PCLO: variants seen among roughly 807,000 people sequenced by gnomAD.
PCLO encodes the protein piccolo presynaptic cytomatrix protein, also known as protein piccolo.
A neutral mutation model predicts 427.5 loss-of-function variants in PCLO; 82 were observed. The observed-to-expected ratio is 0.19, with a 90% CI of 0.16 to 0.23. The LOEUF is 0.23. Ranked by LOEUF, PCLO falls within the 10% of genes least tolerant of loss-of-function variation. PCLO has a pLI of 1.00. For missense variants in PCLO, 6,239 were observed against 6,115.9 expected (o/e 1.02, Z -0.67); for synonymous variants, 2,357 against 2,155.4 (o/e 1.09, Z -2.59).
intron 3 of PCLO, among the ~76,000 whole-genome samples, chr7:83,078,404 C>A (rs1790009379): frequency 6.6e-6 from 1 of 151,894 alleles, no homozygotes; most frequent in Admixed American, 6.6e-5. Flanking sequence ...TGAAGATGCA[C>A]CCTAAAAAGA....
chr7:83,000,133 A>T (rs1787780338), intron 3 of PCLO, among the ~76,000 whole-genome samples: 1 of 151,300 alleles, frequency 6.6e-6, no homozygotes, highest in African/African-American at 2.4e-5. Flanking sequence ...GATACAGAAA[A>T]ATATCCTGAA....
At chr7:82,763,324 A>G (rs1790468441) in intron 22 of PCLO, among the ~76,000 whole-genome samples, 1 of 152,090 alleles carries the variant, frequency 6.6e-6, no homozygotes, top group Admixed American at 6.6e-5. Context: ...ATATCAACCA[A>G]GTGAAAAAGG....
chr7:83,012,075 A>C (rs1788092091), intron 3 of PCLO, among the ~76,000 whole-genome samples: 1 of 152,124 alleles, frequency 6.6e-6, no homozygotes, highest in Non-Finnish European at 1.5e-5. Context: ...TTAAAAACTC[A>C]CACTTAACAA....
intron 10 of PCLO, among the ~76,000 whole-genome samples, chr7:82,876,483 C>CACACAT (rs202247592): frequency 6.6e-6 from 1 of 151,062 alleles, no homozygotes. Flanking sequence ...CACACACACA[C>CACACAT]ACACATACAC....
Position 82,956,344 on chromosome 7 carries a change from T to C in PCLO, c.4609A>G (p.Ser1537Gly). Residue 1537 changes from serine to glycine, a missense_variant, in exon 5 of 25, where the codon AGC becomes GGC. Coordinates refer to ENST00000333891, the MANE Select transcript of PCLO (RefSeq NM_033026.6). ...TCTTCCTGTTTATACTCATCACTGCTTGATGAGCCAACACTAGTTCTTCGT... is the reference window on the plus strand; with the variant it reads ...TCTTCCTGTTTATACTCATCACTGCCTGATGAGCCAACACTAGTTCTTCGT... ...RKRRTSVGSS[S>G]SDEYKQEDSQ... The C allele has an allele frequency of 6.2e-7, 1 of 1,612,886 alleles. No homozygotes were observed. Among genetic ancestry groups the C allele is most frequent in the Non-Finnish European group, 8.5e-7 (1 of 1,179,546 alleles).
At chr7:82,850,134 G>C (rs1318116566) in intron 10 of PCLO, among the ~76,000 whole-genome samples, 1 of 151,982 alleles carries the variant, frequency 6.6e-6, no homozygotes, top group Non-Finnish European at 1.5e-5. Flanking sequence ...TTAGGCTCCT[G>C]AGTAGCTGGG....
chr7:82,809,128 C>T (rs185214792), intron 20 of PCLO, among the ~76,000 whole-genome samples: 57 of 151,868 alleles, frequency 3.8e-4, no homozygotes, highest in African/African-American at 1.1e-3. Context: ...TTTTTTTTAA[C>T]AAATAAAGTG....
intron 10 of PCLO, 100 bp from the exon 11 acceptor site, chr7:82,847,347 G>A (rs1792530877): frequency 3.1e-6 from 2 of 645,118 alleles, no homozygotes; most frequent in Non-Finnish European, 5.4e-6. Context: ...AGTCAACTCA[G>A]CACACCATTT....
Position 83,134,798 on chromosome 7 carries a change from A to T in PCLO, c.2752T>A (p.Ser918Thr). ...GTCTCTTGAGGAGTTGTAGGCTGTG[A>T]TTTGGGGGCATCAGTAATACTTCCC... ...NLGSITDAPK[S>T]QPTTPQETVT... The change falls in exon 3 of 25, where the codon TCA (serine) becomes ACA (threonine). Residue 918 changes from serine to threonine, a missense_variant. Around this residue, in one of 5 missense-constraint regions of PCLO, gnomAD observed 4,677 missense variants for 4,468.4 expected, o/e 1.05. Transcript: ENST00000333891. The T allele has an allele frequency of 6.2e-7, 1 of 1,613,746 alleles. No homozygotes were observed. Among genetic ancestry groups the T allele is most frequent in the Non-Finnish European group, 8.5e-7 (1 of 1,179,838 alleles).
At chr7:82,843,103 C>G (rs1792408357) in intron 13 of PCLO, among the ~76,000 whole-genome samples, 1 of 152,100 alleles carries the variant, frequency 6.6e-6, no homozygotes, top group Non-Finnish European at 1.5e-5. Context: ...CCAACACTCT[C>G]AGGTTCATTG....
intron 2 of PCLO, among the ~76,000 whole-genome samples, chr7:83,150,332 T>C (rs1426057305): frequency 1.3e-5 from 2 of 152,196 alleles, no homozygotes; most frequent in African/African-American, 4.8e-5. Flanking sequence ...CAAGAAGAGA[T>C]ACAGCTATAC....
chr7:83,119,459 T>C (rs1419930270), intron 3 of PCLO, among the ~76,000 whole-genome samples: 1 of 151,918 alleles, frequency 6.6e-6, no homozygotes, highest in Non-Finnish European at 1.5e-5. Flanking sequence ...AGTATTGCTG[T>C]GCTTGGGGTG....
chr7:83,023,626 A>C (rs1273789914), intron 3 of PCLO, among the ~76,000 whole-genome samples: 2 of 152,244 alleles, frequency 1.3e-5, no homozygotes, highest in Non-Finnish European at 2.9e-5. Flanking sequence ...GTGTCAAGGC[A>C]AAGGATTACC....
chr7:82,891,472 C>A (rs748602801), intron 9 of PCLO, among the ~76,000 whole-genome samples: 12 of 152,016 alleles, frequency 7.9e-5, no homozygotes, highest in Admixed American at 2.6e-4. Flanking sequence ...ACAACCATGT[C>A]ATCTGCAAAA....
intron 10 of PCLO, among the ~76,000 whole-genome samples, chr7:82,856,233 T>G (rs1015734545): frequency 6.6e-6 from 1 of 152,182 alleles, no homozygotes; most frequent in African/African-American, 2.4e-5. Flanking sequence ...AAGATTGGAC[T>G]TGATTACATT....
chr7:82,860,645 A>G (rs1486072273), intron 10 of PCLO, among the ~76,000 whole-genome samples: 1 of 152,106 alleles, frequency 6.6e-6, no homozygotes, highest in Non-Finnish European at 1.5e-5. Context: ...AATAGTATGT[A>G]CACAGAGAAA....
At chr7:83,026,373 G>A (rs972623510) in intron 3 of PCLO, among the ~76,000 whole-genome samples, 3 of 151,962 alleles carry the variant, frequency 2.0e-5, no homozygotes, top group Admixed American at 6.6e-5. Flanking sequence ...ATTACATAAT[G>A]GTAAAGGGAT....
At chr7:83,009,869 A>C (rs2115982381) in intron 3 of PCLO, among the ~76,000 whole-genome samples, 1 of 152,066 alleles carries the variant, frequency 6.6e-6, no homozygotes, top group South Asian at 2.1e-4. Context: ...AGGTTAGAAT[A>C]TAATAACTAT....
intron 2 of PCLO, among the ~76,000 whole-genome samples, chr7:83,138,097 CCAGA>C (rs780786970): frequency 3.3e-5 from 5 of 152,034 alleles, no homozygotes; most frequent in African/African-American, 4.8e-5. Context: ...AATCATGCAG[CCAGA>C]CAAAAGAAGA....
Sources: gnomAD v4.1 joint callset for allele counts (sites outside exome capture counted in the v4.1 genomes callset) on GRCh38, gnomAD v4.1.1 for gene constraint, gnomAD v4.1.1 regional missense constraint, MANE v1.5 for transcripts, NCBI Gene and HGNC (gene_info 2026-07-23, HGNC 2026-07-21) for gene names.